TBL1XR1: variants seen among roughly 807,000 people sequenced by gnomAD.
The protein encoded by TBL1XR1 is TBL1X/Y related 1.
A neutral mutation model predicts 66.9 loss-of-function variants in TBL1XR1; 5 were observed. The ratio of observed to expected loss-of-function variants is 0.07; its 90% CI spans 0.04 to 0.16. The LOEUF is 0.16. Ranked by LOEUF, TBL1XR1 falls within the 10% of genes least tolerant of loss-of-function variation. The pLI, the probability that TBL1XR1 is intolerant of heterozygous loss-of-function variation, is 1.00. For missense variants in TBL1XR1, 238 were observed against 623.2 expected, an observed-to-expected ratio of 0.38 and a Z score of 6.58; for synonymous variants, 210 against 206.0, an observed-to-expected ratio of 1.02 and a Z score of -0.17.
At chr3:177,169,036 ACCACATATTTACAAAAATGAAAACT>A (rs931082493) in intron 1 of TBL1XR1, among the ~76,000 whole-genome samples, 1 of 152,298 alleles carries the variant, frequency 6.6e-6, no homozygotes, top group Non-Finnish European at 1.5e-5. Context: ...CTAAAGCTTG[ACCACATATTTACAAAAATGAAAACT>A]CCACATATTT....
At position 177,021,893 on chromosome 3, in the gene TBL1XR1, T is replaced by G. The variant is rs1051047925; in HGVS notation, c.*3605A>C. On this transcript the variant is annotated 3_prime_UTR_variant, in exon 16 of 16. Coordinates refer to ENST00000457928, the MANE Select transcript of TBL1XR1 (RefSeq NM_024665.7). ...ACAATGTACTTAAGATAATGAAAAT[T>G]GTAGCGCTGCATTTGAGATTTATTT... is the stretch of plus-strand genomic sequence containing the variant. The G allele has an allele frequency of 1.6e-4, 25 of 152,596 alleles. No individual in the cohort carries two copies. The highest frequency in any genetic ancestry group is 5.3e-4 in the African/African-American group (22 of 41,456). The allele number at this position is 152,596 out of a possible 1,614,324, so 9.5% of individuals were successfully genotyped here.
intron 2 of TBL1XR1, among the ~76,000 whole-genome samples, chr3:177,093,221 A>T (rs750535042): frequency 3.3e-5 from 5 of 152,200 alleles, no homozygotes; most frequent in Non-Finnish European, 7.3e-5. Context: ...CAGCTATTGT[A>T]GTAGCTGCAA....
chr3:177,084,435 T>A (rs1173187394), intron 2 of TBL1XR1, among the ~76,000 whole-genome samples: 3 of 152,262 alleles, frequency 2.0e-5, no homozygotes, highest in Admixed American at 2.0e-4. Flanking sequence ...GAAGACTAAT[T>A]CAGTCAGCAT....
chr3:177,120,056 A>G (rs538503744), intron 1 of TBL1XR1, among the ~76,000 whole-genome samples: 1 of 152,314 alleles, frequency 6.6e-6, no homozygotes, highest in Admixed American at 6.5e-5. Flanking sequence ...TTCCAACTGC[A>G]TCATCTCTAA....
At chr3:177,167,107 A>G (rs1197966967) in intron 1 of TBL1XR1, among the ~76,000 whole-genome samples, 1 of 152,238 alleles carries the variant, frequency 6.6e-6, no homozygotes, top group East Asian at 1.9e-4. Context: ...GACGCCCTTC[A>G]GTAGGTCAAA....
chr3:177,022,469 G>A lies in TBL1XR1; in HGVS notation c.*3029C>T, dbSNP rs1712509646. The A allele has an allele frequency of 6.6e-6, 1 of 152,362 alleles. No homozygotes were observed. The highest frequency in any genetic ancestry group is 6.6e-5 in the Admixed American group (1 of 15,252). 9.4% of individuals were successfully genotyped at this position (152,362 alleles called of 1,614,324 possible). A position where few individuals can be genotyped will look rare whatever the true frequency, so the allele number is the denominator to read the frequency against. On this transcript the variant is annotated 3_prime_UTR_variant, in exon 16 of 16. Coordinates refer to ENST00000457928, the MANE Select transcript of TBL1XR1 (RefSeq NM_024665.7). Reference sequence around the variant, plus strand: ...ACTGGAACAAATATAAGAACTTATGGGATTTCCTACACGGAGACAAAAAAA... The same window carrying A: ...ACTGGAACAAATATAAGAACTTATGAGATTTCCTACACGGAGACAAAAAAA...
At chr3:177,104,165 A>C (rs1724585864) in intron 1 of TBL1XR1, among the ~76,000 whole-genome samples, 1 of 151,866 alleles carries the variant, frequency 6.6e-6, no homozygotes, top group African/African-American at 2.4e-5. Flanking sequence ...TTCTACCAGA[A>C]TTGACCCTGC....
At chr3:177,060,766 T>C (rs1718418214) in intron 3 of TBL1XR1, among the ~76,000 whole-genome samples, 1 of 152,256 alleles carries the variant, frequency 6.6e-6, no homozygotes, top group African/African-American at 2.4e-5. Context: ...CAGGTTCTAC[T>C]ATATGCAACT....
chr3:177,134,365 T>A (rs770570715), intron 1 of TBL1XR1, among the ~76,000 whole-genome samples: 27 of 152,108 alleles, frequency 1.8e-4, no homozygotes, highest in Admixed American at 3.9e-4. Context: ...GCCTGGTCTA[T>A]TGGGAGCAGA....
chr3:177,094,298 G>A (rs1365577203), intron 2 of TBL1XR1, among the ~76,000 whole-genome samples: 3 of 152,160 alleles, frequency 2.0e-5, no homozygotes, highest in Non-Finnish European at 4.4e-5. Flanking sequence ...CTGCAAGAAT[G>A]GCTGTAATCA....
At chr3:177,046,212 A>G in intron 9 of TBL1XR1, 23 bp from the exon 10 acceptor site, 1 of 1,520,818 alleles carries the variant, frequency 6.6e-7, no homozygotes, top group Non-Finnish European at 8.8e-7. Context: ...GGAAAAGAAA[A>G]ATAAACTCAT....
intron 2 of TBL1XR1, among the ~76,000 whole-genome samples, chr3:177,093,906 A>T (rs148732114): frequency 3.3e-4 from 51 of 152,292 alleles, no homozygotes; most frequent in African/African-American, 1.2e-3. Context: ...TCTAGACACT[A>T]GCTTGGGCAA....
intron 2 of TBL1XR1, among the ~76,000 whole-genome samples, chr3:177,079,109 G>A (rs1721071412): frequency 6.6e-6 from 1 of 151,542 alleles, no homozygotes; most frequent in African/African-American, 2.4e-5. Flanking sequence ...ACTGTTGGCT[G>A]ATTATTTCTT....
At chr3:177,180,824 C>T (rs1734731411) in intron 1 of TBL1XR1, among the ~76,000 whole-genome samples, 1 of 151,980 alleles carries the variant, frequency 6.6e-6, no homozygotes, top group Non-Finnish European at 1.5e-5. Context: ...GCAACCTCTG[C>T]CTCCTGGGTT....
intron 1 of TBL1XR1, among the ~76,000 whole-genome samples, chr3:177,112,098 T>TACATATATATAC (rs1560188674): frequency 5.6e-5 from 3 of 53,830 alleles, no homozygotes; most frequent in African/African-American, 2.5e-4. Context: ...TATATATATA[T>TACATATATATAC]ATATATATAT....
intron 3 of TBL1XR1, among the ~76,000 whole-genome samples, chr3:177,058,525 A>G (rs1718096941): frequency 6.6e-6 from 1 of 152,228 alleles, no homozygotes; most frequent in South Asian, 2.1e-4. Flanking sequence ...CCATAGCTGG[A>G]CCTTCGAACT....
chr3:177,027,678 T>C (rs1457555807), intron 14 of TBL1XR1: 1 of 152,202 alleles, frequency 6.6e-6, no homozygotes, highest in East Asian at 1.9e-4. Flanking sequence ...CTATCCAAGA[T>C]GACAAGCTGG....
chr3:177,097,336 T>C (rs924062317), intron 2 of TBL1XR1, among the ~76,000 whole-genome samples: 2 of 152,238 alleles, frequency 1.3e-5, no homozygotes, highest in Non-Finnish European at 2.9e-5. Context: ...TCTATTTATT[T>C]ATCCCCAAAA....
At chr3:177,084,489 T>G (rs1035193311) in intron 2 of TBL1XR1, among the ~76,000 whole-genome samples, 3 of 152,280 alleles carry the variant, frequency 2.0e-5, no homozygotes, top group South Asian at 4.1e-4. Flanking sequence ...CATCGATGCC[T>G]TGGTTCCTTC....
Sources: allele counts gnomAD v4.1 joint callset (sites outside exome capture counted in the v4.1 genomes callset), GRCh38; gene constraint gnomAD v4.1.1; transcripts MANE v1.5; gene names NCBI Gene and HGNC (gene_info 2026-07-23, HGNC 2026-07-21).